The following KLHL5 variants were observed in gnomAD, a reference collection of about 807,000 sequenced individuals.
KLHL5 encodes kelch like family member 5.
A neutral mutation model predicts 77.7 loss-of-function variants in KLHL5; 48 were observed. That is an observed-to-expected ratio of 0.62 (90% CI 0.49 to 0.79). KLHL5 has a LOEUF of 0.79. Ranked by LOEUF, KLHL5 falls within the 30% of genes least tolerant of loss-of-function variation. The pLI is 0.00. For synonymous variants in KLHL5, 260 were observed against 297.0 expected (o/e 0.88, Z 1.28); for missense variants, 723 against 859.7 (o/e 0.84, Z 1.99).
At chr4:39,097,519 T>C (rs1721168468) in intron 6 of KLHL5, among the ~76,000 whole-genome samples, 1 of 152,174 alleles carries the variant, frequency 6.6e-6, no homozygotes, top group Admixed American at 6.5e-5. Flanking sequence ...TTGTGCAAGA[T>C]AGGTTGCACG....
chr4:39,077,419 G>A (rs993294934), intron 2 of KLHL5, among the ~76,000 whole-genome samples: 6 of 151,726 alleles, frequency 4.0e-5, no homozygotes, highest in South Asian at 4.2e-4. Flanking sequence ...CCAAGATCGC[G>A]CCACTGCACT....
chr4:39,108,668 A>G (rs1023522596), intron 8 of KLHL5, among the ~76,000 whole-genome samples: 5 of 152,046 alleles, frequency 3.3e-5, no homozygotes, highest in African/African-American at 1.2e-4. Context: ...TATTTTAGCT[A>G]AAGAAATCAC....
In KLHL5 at chr4:39,081,576, G is replaced by A. The variant is rs919873728; in HGVS notation, c.703+337G>A. 6.6e-6 allele frequency among the ~76,000 whole-genome samples: 1 copy of A among 151,952 alleles called. No homozygotes were observed. Among genetic ancestry groups the A allele is most frequent in the Non-Finnish European group, 1.5e-5 (1 of 67,986 alleles). ...GCACTTCGGGAAGCCAAGGCAGGAC[G>A]GATGATCGCTTGAGCCCAGGAGTTC... On this transcript the variant is annotated intron_variant, in intron 3 of 10. Coordinates refer to ENST00000504108, the MANE Select transcript of KLHL5 (RefSeq NM_015990.5). This position sits in a 1 kb window ranked among gnomAD's most constrained non-coding sequence, Gnocchi z 4.3.
chr4:39,078,273 C>T (rs1375381728), intron 2 of KLHL5, among the ~76,000 whole-genome samples: 1 of 152,036 alleles, frequency 6.6e-6, no homozygotes. Context: ...GTAATCCCAG[C>T]TCCTCGGGAG....
At chr4:39,099,449 ATC>A (rs1036326693) in intron 6 of KLHL5, among the ~76,000 whole-genome samples, 2 of 152,042 alleles carry the variant, frequency 1.3e-5, no homozygotes, top group African/African-American at 4.8e-5. Context: ...TCTCCTGACA[ATC>A]TCTCTGACTT....
chr4:39,139,282 CAA>C, the KLHL5 span, among the ~76,000 whole-genome samples: 143 of 57,396 alleles, frequency 2.5e-3, no homozygotes, highest in Middle Eastern at 0.011. Flanking sequence ...AACTCCATCT[CAA>C]AAAAAAAAAA....
chr4:39,068,718 T>C (rs1718132324), intron 1 of KLHL5, among the ~76,000 whole-genome samples: 1 of 152,202 alleles, frequency 6.6e-6, no homozygotes, highest in African/African-American at 2.4e-5. Flanking sequence ...AACCTGTCTT[T>C]ATGCCATTTA....
At chr4:39,138,866 G>A in the KLHL5 span, among the ~76,000 whole-genome samples, 1 of 152,212 alleles carries the variant, frequency 6.6e-6, no homozygotes, top group Non-Finnish European at 1.5e-5. Flanking sequence ...AAAGTTTGAT[G>A]AGGAACAAGA....
At chr4:39,060,320 G>A (rs1299694830), upstream of KLHL5, among the ~76,000 whole-genome samples, 1 of 152,132 alleles carries the variant, frequency 6.6e-6, no homozygotes, top group Non-Finnish European at 1.5e-5. Context: ...ATTACCATGG[G>A]AATGAGTGGA....
At chr4:39,118,262 A>C (rs1347629622) in intron 10 of KLHL5, among the ~76,000 whole-genome samples, 1 of 152,132 alleles carries the variant, frequency 6.6e-6, no homozygotes, top group Non-Finnish European at 1.5e-5. Context: ...AGGATGAGGA[A>C]TCTGACACAG....
upstream of KLHL5, chr4:39,045,002 C>G: frequency 4.0e-6 from 4 of 992,686 alleles, no homozygotes; most frequent in Non-Finnish European, 4.8e-6. Context: ...GAGCATCCCA[C>G]TCAGCTCGCC....
the KLHL5 span, among the ~76,000 whole-genome samples, chr4:39,133,045 G>A: frequency 2.0e-5 from 3 of 148,514 alleles, no homozygotes; most frequent in Admixed American, 6.6e-5. Context: ...GTGACAAGTC[G>A]TCTGACCATA....
downstream of KLHL5, among the ~76,000 whole-genome samples, chr4:39,128,344 C>T (rs536897264): frequency 1.3e-5 from 2 of 152,086 alleles, no homozygotes; most frequent in South Asian, 2.1e-4. Context: ...AGAATCCTTG[C>T]AGCTTCCTTG....
chr4:39,096,686 T>C lies in KLHL5; in HGVS notation c.1114-6T>C. 2 of 1,605,264 alleles carry C rather than the reference T, an allele frequency of 1.2e-6. No homozygotes were observed. The highest frequency in any genetic ancestry group is 1.7e-6 in the Non-Finnish European group (2 of 1,172,282). On this transcript the variant is annotated splice_polypyrimidine_tract_variant and splice_region_variant and intron_variant, in intron 5 of 10. Coordinates refer to ENST00000504108, the MANE Select transcript of KLHL5 (RefSeq NM_015990.5). The stretch of plus-strand genomic sequence containing the variant: ...TTCAGTATACATACCTACTATTCTT[T>C]TCTAGTTCCTGGCAGACATGGAAAA...
intron 5 of KLHL5, among the ~76,000 whole-genome samples, chr4:39,095,659 T>C (rs1034434864): frequency 6.6e-6 from 1 of 151,596 alleles, no homozygotes; most frequent in African/African-American, 2.4e-5. Flanking sequence ...TGAAACAAAA[T>C]TGATGTCTGT....
intron 5 of KLHL5, among the ~76,000 whole-genome samples, chr4:39,095,114 A>G (rs2109459768): frequency 6.6e-6 from 1 of 152,332 alleles, no homozygotes; most frequent in East Asian, 1.9e-4. Context: ...TAGTGTGTGT[A>G]TTACAAGGAA....
chr4:39,142,637 C>A, the KLHL5 span, among the ~76,000 whole-genome samples: 1 of 151,960 alleles, frequency 6.6e-6, no homozygotes, highest in South Asian at 2.1e-4. Context: ...AACAGCCCAA[C>A]ACTAGGAACT....
chr4:39,104,883 A>G (rs1721901179), intron 7 of KLHL5, among the ~76,000 whole-genome samples: 1 of 151,738 alleles, frequency 6.6e-6, no homozygotes, highest in Non-Finnish European at 1.5e-5. Context: ...CCCCTGCCTC[A>G]GCCTCCCTAG....
chr4:39,098,785 T>C (rs1046298933), intron 6 of KLHL5, among the ~76,000 whole-genome samples: 1 of 151,952 alleles, frequency 6.6e-6, no homozygotes, highest in Non-Finnish European at 1.5e-5. Context: ...AGGATGGTCT[T>C]GATCTCCTGA....
Sources: gnomAD v4.1 joint callset for allele counts (sites outside exome capture counted in the v4.1 genomes callset) on GRCh38, gnomAD v4.1.1 for gene constraint, Gnocchi (gnomAD v3.1) non-coding constraint, MANE v1.5 for transcripts, NCBI Gene and HGNC (gene_info 2026-07-23, HGNC 2026-07-21) for gene names.